SYN3: variants seen among roughly 807,000 people sequenced by gnomAD.
SYN3 encodes synapsin III.
A neutral mutation model predicts 65.8 loss-of-function variants in SYN3; 35 were observed. The ratio of observed to expected loss-of-function variants is 0.53; its 90% CI spans 0.41 to 0.70. The LOEUF (loss-of-function observed/expected upper bound fraction) is 0.70, where lower values mean the gene tolerates loss of function less well. Ranked by LOEUF, SYN3 falls within the 30% of genes least tolerant of loss-of-function variation. SYN3 has a pLI of 0.00. For missense variants in SYN3, 680 were observed against 749.0 expected (o/e 0.91, Z 1.08); for synonymous variants, 270 against 292.9 (o/e 0.92, Z 0.80).
intron 4 of SYN3, among the ~76,000 whole-genome samples, chr22:32,892,206 G>A (rs2049468612): frequency 6.6e-6 from 1 of 152,136 alleles, no homozygotes; most frequent in Admixed American, 6.5e-5. Context: ...TGAGGCAGGA[G>A]AAGTGCTTGA....
At chr22:32,700,107 C>T (rs1300645750) in intron 6 of SYN3, among the ~76,000 whole-genome samples, 1 of 152,192 alleles carries the variant, frequency 6.6e-6, no homozygotes, top group Non-Finnish European at 1.5e-5. Flanking sequence ...TATACGGTCT[C>T]TGAATTCCAA....
At chr22:32,609,608 C>G (rs998425128) in intron 6 of SYN3, among the ~76,000 whole-genome samples, 1 of 151,076 alleles carries the variant, frequency 6.6e-6, no homozygotes, top group African/African-American at 2.4e-5. Flanking sequence ...TCTCCAGTAA[C>G]TGGGACTACA....
intron 7 of SYN3, among the ~76,000 whole-genome samples, chr22:32,543,177 C>T (rs1038995465): frequency 6.6e-5 from 10 of 152,190 alleles, no homozygotes; most frequent in African/African-American, 2.2e-4. Flanking sequence ...TTTCCACCAG[C>T]GTTGATGCTT....
At chr22:32,533,970 C>A in intron 9 of SYN3, 75 bp from the exon 10 acceptor site, 2 of 988,980 alleles carry the variant, frequency 2.0e-6, no homozygotes, top group South Asian at 1.4e-5. Context: ...GAAGTGGATT[C>A]ACATGGAAAA....
At chr22:32,809,894 A>T (rs563931343) in intron 6 of SYN3, among the ~76,000 whole-genome samples, 1 of 152,110 alleles carries the variant, frequency 6.6e-6, no homozygotes, top group African/African-American at 2.4e-5. Flanking sequence ...CCAGCTTAGC[A>T]TCTCTTCTCC....
At chr22:32,651,586 GAA>G (rs2060071707) in intron 6 of SYN3, among the ~76,000 whole-genome samples, 2 of 152,136 alleles carry the variant, frequency 1.3e-5, no homozygotes, top group African/African-American at 4.8e-5. Context: ...ATGAATGAAT[GAA>G]AAGGCTTTAA....
chr22:32,919,588 A>G (rs1254116503), intron 4 of SYN3, among the ~76,000 whole-genome samples: 1 of 152,220 alleles, frequency 6.6e-6, no homozygotes, highest in East Asian at 1.9e-4. Flanking sequence ...TGTTTGCTGG[A>G]GCCTGGCACT....
intron 6 of SYN3, among the ~76,000 whole-genome samples, chr22:32,627,585 T>TC (rs770621848): frequency 6.6e-6 from 1 of 152,024 alleles, no homozygotes; most frequent in Non-Finnish European, 1.5e-5. Context: ...CAGAGGGACA[T>TC]CCACACACAT....
At chr22:32,868,203 G>A (rs1259110497) in intron 5 of SYN3, among the ~76,000 whole-genome samples, 1 of 151,846 alleles carries the variant, frequency 6.6e-6, no homozygotes, top group Admixed American at 6.6e-5. Flanking sequence ...ATGATAGAAT[G>A]TTCATAAAAC....
chr22:32,959,785 T>A (rs1486104282), intron 3 of SYN3, among the ~76,000 whole-genome samples: 1 of 152,164 alleles, frequency 6.6e-6, no homozygotes, highest in East Asian at 1.9e-4. Flanking sequence ...TTTGTAAAGA[T>A]CTCACTATGT....
At chr22:32,657,386 G>A (rs1375944428) in intron 6 of SYN3, among the ~76,000 whole-genome samples, 1 of 151,354 alleles carries the variant, frequency 6.6e-6, no homozygotes, top group Non-Finnish European at 1.5e-5. Context: ...GCCTCCCAAA[G>A]TGCTGGGATT....
intron 6 of SYN3, among the ~76,000 whole-genome samples, chr22:32,849,278 C>T (rs1022043623): frequency 8.5e-5 from 13 of 152,180 alleles, no homozygotes; most frequent in African/African-American, 3.1e-4. Context: ...CCTCCAACCT[C>T]CCTCTCACCC....
At chr22:33,005,181 C>A (rs1039417958) in intron 2 of SYN3, among the ~76,000 whole-genome samples, 17 of 152,148 alleles carry the variant, frequency 1.1e-4, no homozygotes, top group African/African-American at 3.6e-4. Context: ...CAGTCTCGGG[C>A]AGTTCTTCAG....
intron 6 of SYN3, chr22:32,862,470 C>T (rs2048573554): frequency 6.6e-6 from 1 of 152,182 alleles, no homozygotes; most frequent in Non-Finnish European, 1.5e-5. Context: ...CTGTCTAGGG[C>T]AAACTGTGGC....
intron 12 of SYN3, among the ~76,000 whole-genome samples, chr22:32,521,329 G>A (rs1343044133): frequency 6.6e-6 from 1 of 152,082 alleles, no homozygotes; most frequent in Non-Finnish European, 1.5e-5. Flanking sequence ...CAAGGAAGCC[G>A]CTGTTAGTAA....
chr22:32,531,550 C>T (rs1023547687), intron 10 of SYN3, among the ~76,000 whole-genome samples: 1 of 152,164 alleles, frequency 6.6e-6, no homozygotes, highest in South Asian at 2.1e-4. Context: ...CGGACAAGGT[C>T]AGAGAGGACA....
chr22:32,990,407 G>GCCAGCCAGCCAT (rs1338759821), intron 2 of SYN3, among the ~76,000 whole-genome samples: 6 of 144,622 alleles, frequency 4.1e-5, no homozygotes, highest in Non-Finnish European at 9.1e-5. Flanking sequence ...CATCCATCCA[G>GCCAGCCAGCCAT]CCATCCATCC....
At chr22:32,642,762 T>C (rs947992959) in intron 6 of SYN3, among the ~76,000 whole-genome samples, 2 of 152,094 alleles carry the variant, frequency 1.3e-5, no homozygotes, top group Admixed American at 6.5e-5. Context: ...TCTCACTATG[T>C]TGCCCAGGCT....
In SYN3 at chr22:32,596,654, G is replaced by A. The variant is rs1476449209; in HGVS notation, c.774+20C>T. ...ATCTCTGGGTGTGTCCACTGTGAGT[G>A]GAAGGGCTGTTTCTCATACCTTTCC... On this transcript the variant is annotated intron_variant, in intron 7 of 13. Transcript: ENST00000358763. The A allele has an allele frequency of 1.9e-6, 3 of 1,613,318 alleles. No homozygotes were observed. In the South Asian group the frequency reaches 3.3e-5, roughly 18 times the overall value.
Sources: gnomAD v4.1 joint callset for allele counts (sites outside exome capture counted in the v4.1 genomes callset) on GRCh38, gnomAD v4.1.1 for gene constraint, MANE v1.5 for transcripts, NCBI Gene and HGNC (gene_info 2026-07-23, HGNC 2026-07-21) for gene names.